CBLB: variants seen among roughly 807,000 people sequenced by gnomAD.
The protein encoded by CBLB is E3 ubiquitin-protein ligase CBL-B.
Under a neutral mutation model 104.9 loss-of-function variants are expected in CBLB, and 31 were observed. The observed-to-expected ratio is 0.30, with a 90% CI of 0.22 to 0.40. CBLB has a LOEUF of 0.40. Among genes scored for constraint, CBLB ranks in the 10% least tolerant of loss-of-function variants. The pLI, the probability that CBLB is intolerant of heterozygous loss-of-function variation, is 1.00. For synonymous variants in CBLB, 440 were observed against 422.6 expected (o/e 1.04, Z -0.51); for missense variants, 1,062 against 1,214.6 (o/e 0.87, Z 1.87).
intron 13 of CBLB, 117 bp from the exon 14 acceptor site, chr3:105,685,583 A>G: frequency 1.2e-6 from 1 of 805,472 alleles, no homozygotes; most frequent in South Asian, 1.5e-5. Context: ...TTTTTCAATT[A>G]CAGGGTATCA....
chr3:105,833,111 T>C (rs1166599639), intron 3 of CBLB, among the ~76,000 whole-genome samples: 5 of 152,084 alleles, frequency 3.3e-5, no homozygotes, highest in Admixed American at 3.3e-4. Context: ...TGTCGTGAAA[T>C]GAATCTAGAA....
At chr3:105,737,861 C>T (rs944273857) in intron 7 of CBLB, among the ~76,000 whole-genome samples, 1 of 152,038 alleles carries the variant, frequency 6.6e-6, no homozygotes. Context: ...GAAAATGTTA[C>T]GTTTCCATGT....
At chr3:105,862,325 A>G (rs2092156153) in intron 2 of CBLB, among the ~76,000 whole-genome samples, 1 of 152,114 alleles carries the variant, frequency 6.6e-6, no homozygotes, top group Non-Finnish European at 1.5e-5. Flanking sequence ...TAACCCGCAC[A>G]CTTCCTCTTT....
rs545655287 is a variant in CBLB, at chr3:105,738,048, ATACT to A, written c.984-794_984-791del. On this transcript the variant is annotated intron_variant, in intron 7 of 18. Coordinates refer to ENST00000394030, the MANE Select transcript of CBLB (RefSeq NM_170662.5). ...AAAATAAAATTTACTGTGTTGGTAA[ATACT>A]TATTTTTAATTGAAAAAAGTGGTAA... is the stretch of plus-strand genomic sequence containing the variant. Among the ~76,000 whole-genome samples, 57 of 152,294 alleles carry A rather than the reference ATACT, an allele frequency of 3.7e-4. 1 individual carries two copies. The East Asian group carries it at 9.8e-3, about 26-fold the overall frequency.
chr3:105,790,162 A>C (rs1201319913), intron 3 of CBLB, among the ~76,000 whole-genome samples: 10 of 152,236 alleles, frequency 6.6e-5, no homozygotes, highest in Non-Finnish European at 2.9e-5. Flanking sequence ...TTTTAAAAAC[A>C]AATTTTAATA....
At chr3:105,778,169 A>C (rs2079708049) in intron 3 of CBLB, among the ~76,000 whole-genome samples, 1 of 151,964 alleles carries the variant, frequency 6.6e-6, no homozygotes. Flanking sequence ...GAGTGGAGGC[A>C]AGTGTGTTAG....
At chr3:105,851,993 G>A (rs898424819) in intron 3 of CBLB, among the ~76,000 whole-genome samples, 1 of 152,096 alleles carries the variant, frequency 6.6e-6, no homozygotes, top group Admixed American at 6.6e-5. Flanking sequence ...TAAAAGCATA[G>A]CACATACAAT....
At chr3:105,761,273 C>A (rs148190571) in intron 4 of CBLB, among the ~76,000 whole-genome samples, 1 of 152,200 alleles carries the variant, frequency 6.6e-6, no homozygotes. Flanking sequence ...CTCAAGTGAT[C>A]CACCTGCCTT....
Position 105,853,594 on chromosome 3 carries a change from T to C in CBLB, c.239A>G (p.Asp80Gly). Reference sequence around the variant, plus strand: ...TATAAGTCGTAAATGCTGATATGTATCAGGCAAAATATCAAGTATATATGG... The same window carrying C: ...TATAAGTCGTAAATGCTGATATGTACCAGGCAAAATATCAAGTATATATGG... Reference protein sequence around the residue: ...SPPYILDILPDTYQHLRLILS... With the variant: ...SPPYILDILPGTYQHLRLILS... Residue 80 changes from aspartate to glycine, a missense_variant, in exon 3 of 19, where the codon GAT becomes GGT. Physicochemically the swap from Asp to Gly is moderately conservative, Grantham distance 94. Transcript: ENST00000394030. The C allele has an allele frequency of 6.2e-7, 1 of 1,610,546 alleles. No individual in the cohort carries two copies.
intron 3 of CBLB, among the ~76,000 whole-genome samples, chr3:105,777,694 T>C (rs2079648125): frequency 1.3e-5 from 2 of 152,240 alleles, no homozygotes; most frequent in South Asian, 4.1e-4. Context: ...TTCTGAAGAC[T>C]TGATGAAGTC....
chr3:105,761,420 T>C (rs1473510866), intron 4 of CBLB, among the ~76,000 whole-genome samples: 2 of 152,186 alleles, frequency 1.3e-5, no homozygotes, highest in Non-Finnish European at 2.9e-5. Flanking sequence ...TTCCCACATG[T>C]TGTGGGAGGG....
intron 4 of CBLB, among the ~76,000 whole-genome samples, chr3:105,772,625 C>T (rs574745912): frequency 1.4e-4 from 21 of 152,048 alleles, no homozygotes; most frequent in Non-Finnish European, 2.5e-4. Context: ...CTTCTGACAA[C>T]GGACTAGTAT....
intron 3 of CBLB, among the ~76,000 whole-genome samples, chr3:105,809,176 C>T (rs2083925055): frequency 6.6e-6 from 1 of 152,142 alleles, no homozygotes; most frequent in Non-Finnish European, 1.5e-5. Flanking sequence ...TAAAACATAA[C>T]TTTGGTTTTA....
At chr3:105,691,511 C>T (rs1188844163) in intron 13 of CBLB, among the ~76,000 whole-genome samples, 1 of 152,218 alleles carries the variant, frequency 6.6e-6, no homozygotes, top group Admixed American at 6.5e-5. Context: ...CAACTTCCAG[C>T]TCGCTTGCCA....
intron 4 of CBLB, among the ~76,000 whole-genome samples, chr3:105,766,855 AATTT>A (rs1302981479): frequency 3.9e-5 from 6 of 152,148 alleles, no homozygotes; most frequent in African/African-American, 1.4e-4. Flanking sequence ...CTAGTAAATT[AATTT>A]ATTATTTGTG....
chr3:105,786,071 A>C (rs78010656), intron 3 of CBLB, among the ~76,000 whole-genome samples: 10 of 93,820 alleles, frequency 1.1e-4, no homozygotes, highest in Non-Finnish European at 2.2e-4. Context: ...CGGGGGGGGG[A>C]AAGTGGGTAA....
chr3:105,819,488 C>T (rs1044910236), intron 3 of CBLB, among the ~76,000 whole-genome samples: 3 of 121,226 alleles, frequency 2.5e-5, no homozygotes, highest in Non-Finnish European at 3.5e-5. Context: ...CTCCACCTCT[C>T]AAAAAAAAAA....
chr3:105,805,492 G>A (rs1304210057), intron 3 of CBLB, among the ~76,000 whole-genome samples: 2 of 152,076 alleles, frequency 1.3e-5, no homozygotes, highest in Non-Finnish European at 2.9e-5. Context: ...GTTTAGTAGA[G>A]ACGGGGTTTT....
chr3:105,659,376 T>C (rs765520586), intron 18 of CBLB, 147 bp from the exon 19 acceptor site: 6 of 833,794 alleles, frequency 7.2e-6, no homozygotes, highest in South Asian at 1.7e-5. Flanking sequence ...TTCCATACTA[T>C]TGTGAGATAG....
Sources: gnomAD v4.1 joint callset for allele counts (sites outside exome capture counted in the v4.1 genomes callset) on GRCh38, gnomAD v4.1.1 for gene constraint, MANE v1.5 for transcripts, NCBI Gene and HGNC (gene_info 2026-07-23, HGNC 2026-07-21) for gene names.